SETD5: variants seen among roughly 807,000 people sequenced by gnomAD.
SETD5 encodes the protein SET domain containing 5.
In SETD5, 44 loss-of-function variants were observed where a neutral mutation model predicts 153.3. That is an observed-to-expected ratio of 0.29 (90% CI 0.23 to 0.37). SETD5 has a LOEUF of 0.37. SETD5 is among the 10% of genes least tolerant of loss of function. SETD5 has a pLI of 1.00. For synonymous variants in SETD5, 716 were observed against 645.2 expected (o/e 1.11, Z -1.66); for missense variants, 1,544 against 1,768.0 (o/e 0.87, Z 2.27).
intron 16 of SETD5, among the ~76,000 whole-genome samples, chr3:9,449,267 T>C (rs1165479115): frequency 2.0e-5 from 3 of 152,202 alleles, no homozygotes; most frequent in Non-Finnish European, 2.9e-5. Flanking sequence ...TTTTTGGATC[T>C]AGTGGCAGTA....
At position 9,473,608 on chromosome 3, in the gene SETD5, G is replaced by C. The variant is rs114473868; in HGVS notation, c.3497+71G>C. On this transcript the variant is annotated intron_variant, in intron 20 of 22. Coordinates refer to ENST00000402198, the MANE Select transcript of SETD5 (RefSeq NM_001080517.3). ...GAGTATATATCTAAGATCATTCCCA[G>C]TTTTACCTAAAATCTATGGGAACAC... is the stretch of plus-strand genomic sequence containing the variant. 1.8e-3 allele frequency: 2,580 copies of C among 1,443,790 alleles called. 37 individuals carry two copies. The African/African-American group carries it at 0.027, about 15-fold the overall frequency. The allele number at this position is 1,443,790 out of a possible 1,614,324, so 89.4% of individuals were successfully genotyped here. A position where few individuals can be genotyped will look rare whatever the true frequency, so the allele number is the denominator to read the frequency against.
intron 1 of SETD5, chr3:9,398,389 C>G (rs912974796): frequency 6.6e-6 from 1 of 152,180 alleles, no homozygotes; most frequent in Non-Finnish European, 1.5e-5. Context: ...TCCCTACCCC[C>G]GTTCTCGCGG....
At chr3:9,436,391 TA>T (rs1483567850) in intron 7 of SETD5, among the ~76,000 whole-genome samples, 1 of 152,222 alleles carries the variant, frequency 6.6e-6, no homozygotes, top group Non-Finnish European at 1.5e-5. Flanking sequence ...TATTCTCAGC[TA>T]AAATGTCTAC....
intron 3 of SETD5, chr3:9,432,390 T>C (rs529906124): frequency 1.1e-4 from 58 of 510,074 alleles, no homozygotes; most frequent in South Asian, 5.1e-4. Flanking sequence ...TTGCACCACA[T>C]TGAACTGCAC....
intron 7 of SETD5, among the ~76,000 whole-genome samples, chr3:9,439,491 A>G (rs1380539503): frequency 6.6e-6 from 1 of 152,214 alleles, no homozygotes; most frequent in Non-Finnish European, 1.5e-5. Flanking sequence ...ATTTTCAAGT[A>G]GCTTTGGTAC....
intron 1 of SETD5, among the ~76,000 whole-genome samples, chr3:9,416,982 AC>A (rs1420034710): frequency 6.6e-6 from 1 of 152,132 alleles, no homozygotes; most frequent in East Asian, 1.9e-4. Context: ...AATAGTGTAA[AC>A]AAAGTTTTGA....
rs758347956 is a variant in SETD5 at position 9,475,089 on chromosome 3, C to A, written c.3653C>A (p.Pro1218Gln). 6.3e-7 allele frequency: 1 copy of A among 1,588,432 alleles called. No homozygotes were observed. Among genetic ancestry groups the A allele is most frequent in the East Asian group, 2.3e-5 (1 of 43,664 alleles). The part of the protein sequence containing the change: ...KDSDPADGEG[P>Q]ETLSSALSKG... The stretch of plus-strand genomic sequence containing the variant: ...CCAGACCCTGCAGATGGAGAAGGCC[C>A]AGAGACATTAAGCTCAGCACTCTCT... Residue 1218 changes from proline to glutamine, a missense_variant, in exon 22 of 23, where the codon CCA becomes CAA. Pro to Gln is a moderately conservative substitution (Grantham distance 76). Around this residue, in one of 9 missense-constraint regions of SETD5, gnomAD observed 302 missense variants for 277.6 expected, o/e 1.09. Coordinates refer to ENST00000402198, the MANE Select transcript of SETD5 (RefSeq NM_001080517.3).
At chr3:9,422,438 A>G (rs898886555) in intron 1 of SETD5, among the ~76,000 whole-genome samples, 2 of 152,202 alleles carry the variant, frequency 1.3e-5, no homozygotes, top group Admixed American at 6.5e-5. Context: ...TTATAGCTGG[A>G]TGATAGATTT....
chr3:9,466,287 CA>C (rs146498301), intron 18 of SETD5, among the ~76,000 whole-genome samples: 16,959 of 63,474 alleles, frequency 0.27, 517 homozygotes, highest in Non-Finnish European at 0.28. Context: ...GACTCCGTCT[CA>C]AAAAAAAAAA....
chr3:9,411,915 C>T (rs1310151591), intron 1 of SETD5, among the ~76,000 whole-genome samples: 3 of 152,056 alleles, frequency 2.0e-5, no homozygotes, highest in Non-Finnish European at 2.9e-5. Context: ...ACAAGTATAC[C>T]AGTGCTTACT....
intron 16 of SETD5, among the ~76,000 whole-genome samples, chr3:9,453,026 A>C (rs934763727): frequency 6.6e-6 from 1 of 152,088 alleles, no homozygotes; most frequent in African/African-American, 2.4e-5. Context: ...ATCTGGCCTA[A>C]ATTTATTTCT....
chr3:9,416,305 T>G (rs1255357963), intron 1 of SETD5, among the ~76,000 whole-genome samples: 2 of 152,202 alleles, frequency 1.3e-5, no homozygotes, highest in Non-Finnish European at 2.9e-5. Flanking sequence ...TCCTTATCTT[T>G]AGTACACAGA....
At chr3:9,445,456 T>C (rs987331960) in intron 12 of SETD5, 156 bp downstream of exon 12, 20 of 994,582 alleles carry the variant, frequency 2.0e-5, no homozygotes, top group Non-Finnish European at 2.7e-5. Context: ...TCTTTCTGTT[T>C]TACAAAGTCA....
At chr3:9,405,732 T>C (rs998534858) in intron 1 of SETD5, among the ~76,000 whole-genome samples, 3 of 152,230 alleles carry the variant, frequency 2.0e-5, no homozygotes, top group Non-Finnish European at 4.4e-5. Context: ...ACTGTTGATA[T>C]GTTAATTTTA....
chr3:9,447,449 C>T, intron 14 of SETD5, 142 bp downstream of exon 14: 1 of 1,249,500 alleles, frequency 8.0e-7, no homozygotes, highest in East Asian at 2.3e-5. Flanking sequence ...TAACTGGAAC[C>T]ATTTCATTGG....
intron 11 of SETD5, among the ~76,000 whole-genome samples, chr3:9,444,018 C>T (rs1385377253): frequency 8.5e-5 from 13 of 152,104 alleles, no homozygotes; most frequent in East Asian, 1.9e-4. Flanking sequence ...GCCAAGATCA[C>T]GCCACTGCAC....
At chr3:9,453,717 C>A (rs1233034919) in intron 16 of SETD5, 22 bp from the exon 17 acceptor site, 20 of 1,564,444 alleles carry the variant, frequency 1.3e-5, no homozygotes, top group Non-Finnish European at 1.7e-5. Flanking sequence ...ATTGATAATT[C>A]TCTGGTTCTT....
intron 1 of SETD5, among the ~76,000 whole-genome samples, chr3:9,404,451 C>T (rs1372917554): frequency 6.6e-6 from 1 of 152,134 alleles, no homozygotes; most frequent in Non-Finnish European, 1.5e-5. Flanking sequence ...GGAAGTTTCT[C>T]ATCAGTAAAA....
chr3:9,445,420 A>G (rs570141021), intron 12 of SETD5, 120 bp downstream of exon 12: 484 of 1,110,284 alleles, frequency 4.4e-4, no homozygotes, highest in Admixed American at 4.7e-4. Flanking sequence ...CTTTATATCA[A>G]TGTGGGTTTA....
Sources: gnomAD v4.1 joint callset for allele counts (sites outside exome capture counted in the v4.1 genomes callset) on GRCh38, gnomAD v4.1.1 for gene constraint, gnomAD v4.1.1 regional missense constraint, MANE v1.5 for transcripts, NCBI Gene and HGNC (gene_info 2026-07-23, HGNC 2026-07-21) for gene names.